The following USP43 variants were observed in gnomAD, a reference collection of about 807,000 sequenced individuals.
USP43 encodes the protein ubiquitin carboxyl-terminal hydrolase 43.
Under a neutral mutation model 90.7 loss-of-function variants are expected in USP43, and 33 were observed. The ratio of observed to expected loss-of-function variants is 0.36; its 90% CI spans 0.28 to 0.49. USP43 has a LOEUF of 0.49. USP43 is among the 20% of genes least tolerant of loss of function. The pLI is 0.98. For synonymous variants in USP43, 598 were observed against 615.8 expected (o/e 0.97, Z 0.43); for missense variants, 1,274 against 1,476.4 (o/e 0.86, Z 2.25).
intron 6 of USP43, among the ~76,000 whole-genome samples, chr17:9,681,479 T>A (rs1405626193): frequency 4.3e-5 from 1 of 23,490 alleles, no homozygotes; most frequent in Admixed American, 6.1e-4. Context: ...TATATATATA[T>A]ATATATATAT....
At chr17:9,676,626 C>A in intron 4 of USP43, 120 bp from the exon 5 acceptor site, 1 of 1,280,672 alleles carries the variant, frequency 7.8e-7, no homozygotes, top group Non-Finnish European at 1.0e-6. Flanking sequence ...CCTGCTTCAG[C>A]CTCCCAAAAT....
At chr17:9,668,566 G>T (rs547868761) in intron 3 of USP43, among the ~76,000 whole-genome samples, 2 of 152,118 alleles carry the variant, frequency 1.3e-5, no homozygotes, top group Non-Finnish European at 2.9e-5. Flanking sequence ...GTTCTCTCAC[G>T]CTCTGCCTCA....
At chr17:9,659,757 A>G (rs966745330) in intron 2 of USP43, among the ~76,000 whole-genome samples, 2 of 152,088 alleles carry the variant, frequency 1.3e-5, no homozygotes, top group African/African-American at 4.8e-5. Context: ...ACTTGCCCCA[A>G]GTCACACAGT....
intron 12 of USP43, among the ~76,000 whole-genome samples, chr17:9,706,627 A>G (rs1915889975): frequency 7.4e-6 from 1 of 134,674 alleles, no homozygotes; most frequent in African/African-American, 2.7e-5. Flanking sequence ...CCTATCAGAT[A>G]TTAATTTTTT....
In USP43 at chr17:9,710,037, A is replaced by C; in HGVS notation, c.2093A>C (p.Asn698Thr). 6.3e-7 allele frequency: 1 copy of C among 1,576,224 alleles called. No homozygotes were observed. The highest frequency in any genetic ancestry group is 8.6e-7 in the Non-Finnish European group (1 of 1,161,018). Residue 698 changes from asparagine to threonine, a missense_variant, in exon 13 of 15, where the codon AAC becomes ACC. Coordinates refer to ENST00000285199, the MANE Select transcript of USP43 (RefSeq NM_153210.5). The stretch of plus-strand genomic sequence containing the variant: ...GAACCGCTTCGAGAAGATGAGGTCA[A>C]CACCAGAGGGGCTTATATCCTGTTC... ...TVEPLREDEV[N>T]TRGAYILFYQ...
At chr17:9,675,588 T>C (rs996559146) in intron 4 of USP43, among the ~76,000 whole-genome samples, 3 of 152,238 alleles carry the variant, frequency 2.0e-5, no homozygotes, top group South Asian at 4.1e-4. Context: ...TTCTCTGGCA[T>C]TGGAAGAGAG....
chr17:9,711,796 C>T (rs146479703), intron 13 of USP43, among the ~76,000 whole-genome samples, 172 bp from the exon 14 acceptor site: 160 of 152,282 alleles, frequency 1.1e-3, no homozygotes, highest in African/African-American at 3.6e-3. Context: ...ATGGGAAACC[C>T]GATCACAGGT....
intron 3 of USP43, among the ~76,000 whole-genome samples, chr17:9,667,849 A>G (rs1023030150): frequency 1.3e-5 from 2 of 152,020 alleles, no homozygotes; most frequent in Admixed American, 6.6e-5. Flanking sequence ...ATGCGTTTAT[A>G]TGTGTGTGTG....
chr17:9,707,779 A>G (rs973658471), intron 12 of USP43, among the ~76,000 whole-genome samples: 17 of 152,232 alleles, frequency 1.1e-4, no homozygotes, highest in African/African-American at 3.9e-4. Flanking sequence ...ATAGAAATCC[A>G]GGATCTTTGC....
chr17:9,681,331 A>ATAAATATATATAAATATATATATAG (rs1914217059), intron 6 of USP43, among the ~76,000 whole-genome samples: 1 of 111,984 alleles, frequency 8.9e-6, no homozygotes, highest in African/African-American at 3.5e-5. Context: ...TATATATATA[A>ATAAATATATATAAATATATATATAG]ATAAATATAT....
Position 9,728,136 on chromosome 17 carries a change from C to G in USP43, c.2518C>G (p.Arg840Gly). The G allele has an allele frequency of 2.5e-6, 4 of 1,613,858 alleles. No individual in the cohort carries two copies. The highest frequency in any genetic ancestry group is 3.4e-6 in the Non-Finnish European group (4 of 1,179,854). ...VELVEYLESR[R>G]RPRSTSQSIV... ...GTTGGTGGAGTACTTGGAATCCAGA[C>G]GAAGACCTCGGTCCACGAGCCAGTC... Residue 840 changes from arginine (R) to glycine (G), a missense_variant, in exon 15 of 15, where the codon CGA (arginine) becomes GGA (glycine). Around this residue, in one of 6 missense-constraint regions of USP43, gnomAD observed 285 missense variants for 349.6 expected, o/e 0.82. Transcript: ENST00000285199. The surrounding 1 kb of genome is among the most constrained non-coding windows in gnomAD (Gnocchi z 6.2).
Position 9,693,151 on chromosome 17 carries a change from C to T in USP43, c.1378C>T (p.Arg460Cys), listed in dbSNP as rs1418254571. ...GAACCTGGGGTCTCTGTTCTCCATC[C>T]GTGTTGTGGGACTCTCTGTGGCCTG... ...VQNLGSLFSI[R>C]VVGLSVACSY... Residue 460 changes from arginine (R) to cysteine (C), a missense_variant, in exon 9 of 15, where the codon CGT becomes TGT. Around this residue, in one of 6 missense-constraint regions of USP43, gnomAD observed 253 missense variants for 276.0 expected, o/e 0.92. Coordinates refer to ENST00000285199, the MANE Select transcript of USP43 (RefSeq NM_153210.5). 3.7e-6 allele frequency: 6 copies of T among 1,613,510 alleles called. No homozygotes were observed. The highest frequency in any genetic ancestry group is 1.3e-5 in the African/African-American group (1 of 74,858).
chr17:9,700,367 C>T (rs1375223778), intron 10 of USP43, 118 bp downstream of exon 10: 5 of 908,972 alleles, frequency 5.5e-6, no homozygotes, highest in Non-Finnish European at 8.3e-6. Flanking sequence ...ATCTTTGAGC[C>T]AGTGTAACCC....
chr17:9,713,957 C>T (rs554557226), intron 14 of USP43, among the ~76,000 whole-genome samples: 2 of 152,186 alleles, frequency 1.3e-5, no homozygotes, highest in African/African-American at 2.4e-5. Context: ...ACAATTTTTA[C>T]ACACACTTGA....
chr17:9,652,726 C>A (rs1255619712), intron 1 of USP43, among the ~76,000 whole-genome samples: 1 of 151,942 alleles, frequency 6.6e-6, no homozygotes, highest in Non-Finnish European at 1.5e-5. Flanking sequence ...AAAAAAATTC[C>A]AAGAAATACC....
intron 12 of USP43, among the ~76,000 whole-genome samples, chr17:9,703,000 C>T (rs919835325): frequency 2.6e-5 from 4 of 152,254 alleles, no homozygotes; most frequent in African/African-American, 4.8e-5. Flanking sequence ...TGCTGCTGTG[C>T]GGTGCCAGCC....
chr17:9,727,271 G>C (rs1030268436), intron 14 of USP43, among the ~76,000 whole-genome samples: 4 of 152,122 alleles, frequency 2.6e-5, no homozygotes, highest in Non-Finnish European at 5.9e-5. Context: ...AACCTTGGTT[G>C]TACATATGTT....
chr17:9,657,236 G>A (rs1323821379), intron 2 of USP43, among the ~76,000 whole-genome samples: 1 of 152,164 alleles, frequency 6.6e-6, no homozygotes, highest in African/African-American at 2.4e-5. Flanking sequence ...GCCGGGCGCG[G>A]TGACTCACGC....
intron 14 of USP43, among the ~76,000 whole-genome samples, chr17:9,716,718 GT>G (rs1916589707): frequency 6.6e-6 from 1 of 152,184 alleles, no homozygotes; most frequent in Admixed American, 6.5e-5. Flanking sequence ...AGCACCCTGA[GT>G]TGTTACAGAT....
Sources: allele counts gnomAD v4.1 joint callset (sites outside exome capture counted in the v4.1 genomes callset), GRCh38; gene constraint gnomAD v4.1.1; regional missense constraint gnomAD v4.1.1; non-coding constraint Gnocchi (gnomAD v3.1); transcripts MANE v1.5; gene names NCBI Gene and HGNC (gene_info 2026-07-23, HGNC 2026-07-21).